The following UCK2 variants were observed in gnomAD, a reference collection of about 807,000 sequenced individuals.
UCK2 encodes the protein cytidine monophosphokinase 2.
Under a neutral mutation model 30.8 loss-of-function variants are expected in UCK2, and 6 were observed. The observed-to-expected ratio is 0.19, with a 90% CI of 0.11 to 0.38. The LOEUF (loss-of-function observed/expected upper bound fraction) is 0.38, where lower values mean the gene tolerates loss of function less well. Among genes scored for constraint, UCK2 ranks in the 10% least tolerant of loss-of-function variants. The pLI is 1.00. For missense variants in UCK2, 210 were observed against 339.8 expected, an observed-to-expected ratio of 0.62 and a Z score of 3.00; for synonymous variants, 125 against 133.6, an observed-to-expected ratio of 0.94 and a Z score of 0.45.
At position 165,903,171 on chromosome 1, in the gene UCK2, T is replaced by G; in HGVS notation, c.500-11T>G. The G allele has an allele frequency of 6.2e-7, 1 of 1,608,640 alleles. No individual in the cohort carries two copies. Among genetic ancestry groups the G allele is most frequent in the East Asian group, 2.2e-5 (1 of 44,754 alleles). ...ACCGTTTTTTGATTCTTGTTTTCCC[T>G]TCTCTTACAGTATTAAGGGACATCA... On this transcript the variant is annotated splice_polypyrimidine_tract_variant and intron_variant, in intron 4 of 6. Transcript: ENST00000367879.
At chr1:165,875,794 C>T (rs567138384) in intron 1 of UCK2, among the ~76,000 whole-genome samples, 17 of 152,280 alleles carry the variant, frequency 1.1e-4, no homozygotes, top group South Asian at 6.2e-4. Flanking sequence ...TCCAACCCCT[C>T]CCTTGTGTGC....
intron 6 of UCK2, 70 bp downstream of exon 6, chr1:165,906,039 T>G: frequency 6.8e-7 from 1 of 1,467,788 alleles, no homozygotes; most frequent in Non-Finnish European, 9.5e-7. Context: ...TGGGGCAGGA[T>G]GTGGTGACCC....
chr1:165,871,056 C>CTGCCAGCGTT (rs1655184711), intron 1 of UCK2, among the ~76,000 whole-genome samples: 1 of 152,188 alleles, frequency 6.6e-6, no homozygotes, highest in Admixed American at 6.5e-5. Flanking sequence ...CTCAAGTGAT[C>CTGCCAGCGTT]TGCCAGCGTT....
At chr1:165,843,232 T>C (rs1654373617) in intron 1 of UCK2, among the ~76,000 whole-genome samples, 1 of 152,226 alleles carries the variant, frequency 6.6e-6, no homozygotes. Context: ...CTTTTTTTTT[T>C]TAAACCATGA....
At chr1:165,838,645 C>G (rs1481705628) in intron 1 of UCK2, among the ~76,000 whole-genome samples, 2 of 151,898 alleles carry the variant, frequency 1.3e-5, no homozygotes, top group African/African-American at 4.8e-5. Flanking sequence ...TTTGTATTTC[C>G]TCTTGGGGTA....
chr1:165,895,567 G>A (rs1301450920), intron 3 of UCK2: 1 of 985,406 alleles, frequency 1.0e-6, no homozygotes. Flanking sequence ...TTGACCTGTG[G>A]CCACTTTGTT....
At chr1:165,886,578 C>G (rs76223860) in intron 1 of UCK2, among the ~76,000 whole-genome samples, 1 of 152,294 alleles carries the variant, frequency 6.6e-6, no homozygotes. Flanking sequence ...TATAGGTGCA[C>G]GCCACTGTGC....
intron 1 of UCK2, among the ~76,000 whole-genome samples, chr1:165,860,962 A>C (rs1654882093): frequency 6.6e-6 from 1 of 152,170 alleles, no homozygotes; most frequent in African/African-American, 2.4e-5. Context: ...TGTCCAGTCT[A>C]CTATAATAAA....
chr1:165,869,358 A>T (rs1191071754), intron 1 of UCK2, among the ~76,000 whole-genome samples: 2 of 152,118 alleles, frequency 1.3e-5, no homozygotes, highest in African/African-American at 2.4e-5. Context: ...TGTAAAAAAA[A>T]CGTAGTATCT....
chr1:165,875,038 C>CAA (rs57582300), intron 1 of UCK2, among the ~76,000 whole-genome samples: 1,129 of 111,280 alleles, frequency 0.01, 23 homozygotes, highest in Admixed American at 0.059. Context: ...ACTGAGTTAC[C>CAA]AAAAAAAAAA....
In UCK2 at chr1:165,867,610, G is replaced by A. The variant is rs748822876; in HGVS notation, c.100-22594G>A. 5.1e-4 allele frequency among the ~76,000 whole-genome samples: 78 copies of A among 152,120 alleles called. 3 individuals are homozygous for A. Among genetic ancestry groups the A allele is most frequent in the Admixed American group, 1.3e-4 (2 of 15,264 alleles). On this transcript the variant is annotated intron_variant, in intron 1 of 6. Transcript: ENST00000367879. ...GATTCCATCTCAAGAAACTACTTTC[G>A]TAAGAAGAAACTTGTTCATCATAAG...
intron 1 of UCK2, among the ~76,000 whole-genome samples, chr1:165,836,787 G>A (rs991197432): frequency 2.0e-5 from 3 of 152,214 alleles, no homozygotes; most frequent in Non-Finnish European, 4.4e-5. Flanking sequence ...GAAGACAACT[G>A]ATTTAGGTAG....
Position 165,858,452 on chromosome 1 carries a change from C to T in UCK2, c.99+30520C>T, listed in dbSNP as rs149333732. Among the ~76,000 whole-genome samples, 4 of 152,270 alleles carry T rather than the reference C, an allele frequency of 2.6e-5. No homozygotes were observed. The East Asian group carries it at 7.7e-4, about 29-fold the overall frequency. ...CTTGGGAGCCTTGCCTACATTAGCT[C>T]GATTTGCTGACAGGTGAACAAACAA... On this transcript the variant is annotated intron_variant, in intron 1 of 6. Coordinates refer to ENST00000367879, the MANE Select transcript of UCK2 (RefSeq NM_012474.5).
At chr1:165,875,979 G>T (rs1199771466) in intron 1 of UCK2, among the ~76,000 whole-genome samples, 1 of 152,144 alleles carries the variant, frequency 6.6e-6, no homozygotes, top group Non-Finnish European at 1.5e-5. Flanking sequence ...CAGGTGAAAG[G>T]AAGGCAGGAA....
intron 5 of UCK2, 128 bp downstream of exon 5, chr1:165,903,407 C>T: frequency 1.3e-6 from 1 of 765,096 alleles, no homozygotes; most frequent in Non-Finnish European, 2.1e-6. Flanking sequence ...GATCCTCTGT[C>T]CTGAAGTCCT....
Position 165,891,358 on chromosome 1 carries a change from C to G in UCK2, c.356+36C>G, listed in dbSNP as rs375693140. ...TGTTCTGGGCCAGGGATGGCACCCA[C>G]TGCTCCGCAGAGCATCCCTGGTCTG... On this transcript the variant is annotated intron_variant, in intron 3 of 6. Transcript: ENST00000367879. 2.5e-6 allele frequency: 4 copies of G among 1,585,794 alleles called. No individual in the cohort carries two copies. The African/African-American group carries it at 5.4e-5, about 21-fold the overall frequency.
chr1:165,879,484 T>A (rs1655423258), intron 1 of UCK2, among the ~76,000 whole-genome samples: 1 of 152,110 alleles, frequency 6.6e-6, no homozygotes, highest in Non-Finnish European at 1.5e-5. Flanking sequence ...TATCTACTGA[T>A]AGTTCTGCCA....
At chr1:165,901,750 G>T (rs1288104289) in intron 4 of UCK2, among the ~76,000 whole-genome samples, 1 of 152,058 alleles carries the variant, frequency 6.6e-6, no homozygotes, top group Non-Finnish European at 1.5e-5. Context: ...CCCTACTCAT[G>T]GGGAAACTAA....
chr1:165,841,328 C>T (rs1232440615), intron 1 of UCK2, among the ~76,000 whole-genome samples: 5 of 151,840 alleles, frequency 3.3e-5, no homozygotes, highest in East Asian at 3.9e-4. Context: ...GGATTACAGG[C>T]GCCCACCACC....
Sources: allele counts gnomAD v4.1 joint callset (sites outside exome capture counted in the v4.1 genomes callset), GRCh38; gene constraint gnomAD v4.1.1; transcripts MANE v1.5; gene names NCBI Gene and HGNC (gene_info 2026-07-23, HGNC 2026-07-21).